Variants in PLCXD3 observed in about 807,000 individuals in gnomAD.
PLCXD3 encodes the protein phosphatidylinositol specific phospholipase C X domain containing 3, also known as PI-PLC X domain-containing protein 3.
PLCXD3 carries 19 observed loss-of-function variants against 25.5 expected under a neutral mutation model. The ratio of observed to expected loss-of-function variants is 0.75; its 90% CI spans 0.52 to 1.09. The LOEUF is 1.09. Ranked by LOEUF, PLCXD3 falls within the 50% of genes least tolerant of loss-of-function variation. The pLI, the probability that PLCXD3 is intolerant of heterozygous loss-of-function variation, is 0.00. For synonymous variants in PLCXD3, 174 were observed against 137.6 expected (o/e 1.26, Z -1.85); for missense variants, 411 against 388.1 (o/e 1.06, Z -0.50).
chr5:41,350,363 T>G (rs1744423913), intron 2 of PLCXD3, among the ~76,000 whole-genome samples: 1 of 152,212 alleles, frequency 6.6e-6, no homozygotes, highest in Non-Finnish European at 1.5e-5. Context: ...CTCTGATTCT[T>G]TTTCTTTACT....
intron 2 of PLCXD3, among the ~76,000 whole-genome samples, chr5:41,380,760 A>AT (rs978054808): frequency 1.2e-4 from 18 of 152,176 alleles, no homozygotes; most frequent in African/African-American, 4.1e-4. Flanking sequence ...TCAGTGAAAG[A>AT]TAAAAATAAG....
At chr5:41,432,958 A>G (rs1413119216) in intron 1 of PLCXD3, among the ~76,000 whole-genome samples, 1 of 152,198 alleles carries the variant, frequency 6.6e-6, no homozygotes, top group African/African-American at 2.4e-5. Context: ...CTTTTGGCCC[A>G]GAACCAGTTT....
chr5:41,489,998 T>G (rs1348842391), intron 1 of PLCXD3, among the ~76,000 whole-genome samples: 4 of 152,042 alleles, frequency 2.6e-5, no homozygotes, highest in Non-Finnish European at 4.4e-5. Flanking sequence ...AGAGAGGGCA[T>G]CCCTGTCTTG....
chr5:41,350,911 C>T (rs1445475527), intron 2 of PLCXD3, among the ~76,000 whole-genome samples: 1 of 151,970 alleles, frequency 6.6e-6, no homozygotes, highest in Non-Finnish European at 1.5e-5. Flanking sequence ...TTTTGTACAA[C>T]TTTATGGCTT....
At chr5:41,363,410 G>T (rs369686842) in intron 2 of PLCXD3, among the ~76,000 whole-genome samples, 3 of 152,070 alleles carry the variant, frequency 2.0e-5, no homozygotes, top group African/African-American at 7.2e-5. Flanking sequence ...AAGAATTCAG[G>T]ATATTTTCTC....
At position 41,452,237 on chromosome 5, in the gene PLCXD3, T is replaced by C. The variant is rs562389111; in HGVS notation, c.103+58187A>G. ...ATCTTCTTTTCATTCTCCTTAGTCC[T>C]ATACCATCAGGATTTCAAATGTGCA... On this transcript the variant is annotated intron_variant, in intron 1 of 2. Transcript: ENST00000377801. 5.3e-5 allele frequency among the ~76,000 whole-genome samples: 8 copies of C among 152,158 alleles called. No individual in the cohort carries two copies. In the South Asian group the frequency reaches 8.3e-4, roughly 16 times the overall value.
In PLCXD3 at chr5:41,342,675, A is replaced by G. The variant is rs187027835; in HGVS notation, c.813-28905T>C. ...TTCTTTATCTAGGTTTAGTATATCA[A>G]TATATTGAGTCAATAGAACTTTTGT... On this transcript the variant is annotated intron_variant, in intron 2 of 2. Coordinates refer to ENST00000377801, the MANE Select transcript of PLCXD3 (RefSeq NM_001005473.3). Among the ~76,000 whole-genome samples, 13 of 152,314 alleles carry G rather than the reference A, an allele frequency of 8.5e-5. No individual in the cohort carries two copies. In the East Asian group the frequency reaches 2.5e-3, roughly 29 times the overall value.
chr5:41,470,393 G>T (rs149186554), intron 1 of PLCXD3, among the ~76,000 whole-genome samples: 62 of 152,202 alleles, frequency 4.1e-4, no homozygotes, highest in Middle Eastern at 6.8e-3. Flanking sequence ...AAAACATAAG[G>T]TTTAGAAGCA....
chr5:41,376,556 C>G (rs1045377709), intron 2 of PLCXD3, among the ~76,000 whole-genome samples: 1 of 152,080 alleles, frequency 6.6e-6, no homozygotes, highest in African/African-American at 2.4e-5. Context: ...CCTGATTTCT[C>G]TTGTCCTCAA....
chr5:41,404,417 A>AT (rs1202075164), intron 1 of PLCXD3, among the ~76,000 whole-genome samples: 1 of 152,132 alleles, frequency 6.6e-6, no homozygotes, highest in African/African-American at 2.4e-5. Context: ...TAAAAAAAAA[A>AT]TCACCTACAC....
At chr5:41,364,442 C>T (rs534495284) in intron 2 of PLCXD3, among the ~76,000 whole-genome samples, 2 of 152,220 alleles carry the variant, frequency 1.3e-5, no homozygotes, top group South Asian at 4.1e-4. Context: ...GCAGAAAATC[C>T]TATTTGCCTT....
chr5:41,464,560 A>T (rs2150517998), intron 1 of PLCXD3, among the ~76,000 whole-genome samples: 1 of 152,222 alleles, frequency 6.6e-6, no homozygotes, highest in East Asian at 1.9e-4. Flanking sequence ...CTGCACATGT[A>T]TCCCAGAACT....
At chr5:41,374,735 T>G (rs1290469269) in intron 2 of PLCXD3, among the ~76,000 whole-genome samples, 1 of 152,144 alleles carries the variant, frequency 6.6e-6, no homozygotes, top group African/African-American at 2.4e-5. Context: ...GATATGTAGC[T>G]TGAGGAGATC....
At chr5:41,465,437 T>C (rs1747996831) in intron 1 of PLCXD3, among the ~76,000 whole-genome samples, 1 of 143,330 alleles carries the variant, frequency 7.0e-6, no homozygotes, top group South Asian at 2.4e-4. Flanking sequence ...GATTTAACAA[T>C]AATTGTGTGT....
intron 2 of PLCXD3, among the ~76,000 whole-genome samples, chr5:41,320,854 C>A (rs1182441486): frequency 6.6e-6 from 1 of 152,200 alleles, no homozygotes. Context: ...ACCATATGAT[C>A]ATCTCAATTG....
At position 41,449,855 on chromosome 5, in the gene PLCXD3, A is replaced by G. The variant is rs142980176; in HGVS notation, c.103+60569T>C. On this transcript the variant is annotated intron_variant, in intron 1 of 2. Transcript: ENST00000377801. ...ATAGGAATGGGGGGCGAGGAAGGGC[A>G]TATAAGCAGTACACTAATAGTGTCT... 8.9e-3 allele frequency among the ~76,000 whole-genome samples: 1,358 copies of G among 152,280 alleles called. 12 individuals carry two copies. Among genetic ancestry groups the G allele is most frequent in the Admixed American group, 0.014 (207 of 15,278 alleles).
intron 2 of PLCXD3, among the ~76,000 whole-genome samples, chr5:41,365,249 T>C (rs1190191318): frequency 6.6e-6 from 1 of 152,200 alleles, no homozygotes; most frequent in African/African-American, 2.4e-5. Context: ...CACAAGAGAA[T>C]ATCATATTTG....
intron 2 of PLCXD3, among the ~76,000 whole-genome samples, chr5:41,369,478 T>C (rs1745030268): frequency 6.6e-6 from 1 of 152,140 alleles, no homozygotes; most frequent in South Asian, 2.1e-4. Context: ...CATTGTCTTT[T>C]TTTGGTTGGT....
intron 1 of PLCXD3, among the ~76,000 whole-genome samples, chr5:41,407,808 G>C (rs1378308476): frequency 6.6e-6 from 1 of 152,164 alleles, no homozygotes; most frequent in African/African-American, 2.4e-5. Context: ...AAAGCATCAA[G>C]ATAGTCATGC....
Sources: gnomAD v4.1 joint callset for allele counts (sites outside exome capture counted in the v4.1 genomes callset) on GRCh38, gnomAD v4.1.1 for gene constraint, MANE v1.5 for transcripts, NCBI Gene and HGNC (gene_info 2026-07-23, HGNC 2026-07-21) for gene names.